Variants in BACE2 observed in about 807,000 individuals in gnomAD.
BACE2 encodes the protein 56 kDa aspartic-like protease.
A neutral mutation model predicts 46.2 loss-of-function variants in BACE2; 17 were observed. The observed-to-expected ratio is 0.37, with a 90% CI of 0.25 to 0.55. BACE2 has a LOEUF of 0.55. Among genes scored for constraint, BACE2 ranks in the 20% least tolerant of loss-of-function variants. BACE2 has a pLI of 0.82. For synonymous variants in BACE2, 277 were observed against 295.9 expected (o/e 0.94, Z 0.66); for missense variants, 595 against 698.1 (o/e 0.85, Z 1.66).
In BACE2 at chr21:41,237,721, C is replaced by G; in HGVS notation, c.610C>G (p.Leu204Val). Reference sequence around the variant, plus strand: ...AATACTTGGCCTAGCTTATGCCACACTTGCCAAGGTAAGGCTAATCCATGG... The same window carrying G: ...AATACTTGGCCTAGCTTATGCCACAGTTGCCAAGGTAAGGCTAATCCATGG... ...NGILGLAYAT[L>V]AKPSSSLETF... The change falls in exon 3 of 9, where the codon CTT becomes GTT. Residue 204 changes from leucine to valine, a missense_variant. Physicochemically the swap from Leu to Val is conservative, Grantham distance 32. Transcript: ENST00000330333. 2 of 1,612,828 alleles carry G rather than the reference C, an allele frequency of 1.2e-6. No individual in the cohort carries two copies. The highest frequency in any genetic ancestry group is 1.7e-6 in the Non-Finnish European group (2 of 1,178,826).
chr21:41,238,954 TAAAA>T (rs34474586), intron 3 of BACE2, among the ~76,000 whole-genome samples: 18 of 85,682 alleles, frequency 2.1e-4, no homozygotes, highest in African/African-American at 7.3e-4. Context: ...AAAGTATAAT[TAAAA>T]AAAAAAAAAA....
chr21:41,174,279 A>G (rs1188451401), intron 1 of BACE2, among the ~76,000 whole-genome samples: 1 of 151,448 alleles, frequency 6.6e-6, no homozygotes, highest in Non-Finnish European at 1.5e-5. Flanking sequence ...AGTAGCTGCG[A>G]CTACAGGTGT....
chr21:41,180,166 G>T, intron 1 of BACE2: 1 of 226,170 alleles, frequency 4.4e-6, no homozygotes, highest in Non-Finnish European at 9.5e-6. Context: ...CCAGGGTGAG[G>T]GTGGTAACTT....
chr21:41,229,913 A>G (rs954409680), intron 2 of BACE2, among the ~76,000 whole-genome samples: 2 of 152,246 alleles, frequency 1.3e-5, no homozygotes, highest in Non-Finnish European at 2.9e-5. Flanking sequence ...TCTTGCCACC[A>G]TTCTGACCAC....
At position 41,242,008 on chromosome 21, in the gene BACE2, G is replaced by A. The variant is rs1281512564; in HGVS notation, c.747+61G>A. 3 of 1,601,820 alleles carry A rather than the reference G, an allele frequency of 1.9e-6. No homozygotes were observed. In the Admixed American group the frequency reaches 5.2e-5, roughly 28 times the overall value. On this transcript the variant is annotated intron_variant, in intron 4 of 8. Coordinates refer to ENST00000330333, the MANE Select transcript of BACE2 (RefSeq NM_012105.5). ...ACAGATGGATGGGCTGTTTTTTTCT[G>A]TTTTATTAAACACCTGAGCAGAAAT...
At chr21:41,178,262 A>G (rs1984934543) in intron 1 of BACE2, 1 of 152,212 alleles carries the variant, frequency 6.6e-6, no homozygotes, top group Non-Finnish European at 1.5e-5. Flanking sequence ...GCACGCTGAC[A>G]CCTGCTGATT....
intron 1 of BACE2, chr21:41,175,881 G>C (rs990196759): frequency 1.3e-5 from 2 of 152,162 alleles, no homozygotes; most frequent in Non-Finnish European, 2.9e-5. Context: ...CCACTACATC[G>C]TGCTGCCTCC....
intron 1 of BACE2, among the ~76,000 whole-genome samples, chr21:41,210,340 G>C (rs1385059653): frequency 6.6e-6 from 1 of 152,048 alleles, no homozygotes; most frequent in Non-Finnish European, 1.5e-5. Context: ...CCCTTTTATG[G>C]TTTAGGCACA....
chr21:41,179,976 T>G (rs1985051355), intron 1 of BACE2: 1 of 351,194 alleles, frequency 2.8e-6, no homozygotes, highest in Non-Finnish European at 5.8e-6. Flanking sequence ...GCCAGTGGTG[T>G]TAGCAACTTT....
chr21:41,241,996 C>A (rs530217665), intron 4 of BACE2, 49 bp downstream of exon 4: 2 of 1,602,798 alleles, frequency 1.2e-6, no homozygotes, highest in East Asian at 4.5e-5. Flanking sequence ...GATGGATGGG[C>A]TGTTTTTTTC....
At chr21:41,273,402 G>C (rs2088453595) in intron 8 of BACE2, among the ~76,000 whole-genome samples, 1 of 152,176 alleles carries the variant, frequency 6.6e-6, no homozygotes, top group African/African-American at 2.4e-5. Flanking sequence ...GACAGACATT[G>C]CCAGAGCAGC....
At chr21:41,263,312 T>C (rs1446404764) in intron 8 of BACE2, among the ~76,000 whole-genome samples, 1 of 152,232 alleles carries the variant, frequency 6.6e-6, no homozygotes. Context: ...AGTATGTAAG[T>C]GTGCTGAGAC....
At chr21:41,250,650 A>T (rs1987609977) in intron 6 of BACE2, 102 bp from the exon 7 acceptor site, 2 of 1,017,052 alleles carry the variant, frequency 2.0e-6, no homozygotes, top group Non-Finnish European at 1.5e-6. Context: ...AACATTGTTT[A>T]TCCCTGTGGG....
At chr21:41,180,217 G>A (rs563062398) in intron 1 of BACE2, 4 of 206,838 alleles carry the variant, frequency 1.9e-5, no homozygotes, top group African/African-American at 9.5e-5. Context: ...CTTGACACAG[G>A]TCGGTGTGTC....
At chr21:41,212,191 A>C (rs1461818775) in intron 1 of BACE2, among the ~76,000 whole-genome samples, 1 of 152,218 alleles carries the variant, frequency 6.6e-6, no homozygotes, top group African/African-American at 2.4e-5. Flanking sequence ...AGGCACTGGC[A>C]GATTGAGGTC....
intron 2 of BACE2, among the ~76,000 whole-genome samples, chr21:41,234,027 C>T (rs891178023): frequency 1.3e-5 from 2 of 152,174 alleles, no homozygotes; most frequent in African/African-American, 2.4e-5. Flanking sequence ...ACTCAAATCT[C>T]ATCTTGAATT....
intron 3 of BACE2, among the ~76,000 whole-genome samples, chr21:41,238,430 T>C (rs1043781735): frequency 6.6e-6 from 1 of 152,200 alleles, no homozygotes; most frequent in Non-Finnish European, 1.5e-5. Flanking sequence ...AATTTCCACC[T>C]GGAGGCATTG....
At chr21:41,176,538 C>A (rs1201969812) in intron 1 of BACE2, 2 of 152,210 alleles carry the variant, frequency 1.3e-5, no homozygotes, top group Non-Finnish European at 2.9e-5. Flanking sequence ...CTGCAGAGGC[C>A]AGATGCCCCT....
intron 7 of BACE2, among the ~76,000 whole-genome samples, chr21:41,251,873 A>G (rs1200414393): frequency 6.6e-6 from 1 of 152,166 alleles, no homozygotes; most frequent in Non-Finnish European, 1.5e-5. Flanking sequence ...AGGTGAAGAC[A>G]TCATTTTTTT....
Sources: gnomAD v4.1 joint callset for allele counts (sites outside exome capture counted in the v4.1 genomes callset) on GRCh38, gnomAD v4.1.1 for gene constraint, MANE v1.5 for transcripts, NCBI Gene and HGNC (gene_info 2026-07-23, HGNC 2026-07-21) for gene names.